Variants in SYBU observed in about 807,000 individuals in gnomAD.
SYBU encodes the protein GOLSYN A protein.
A neutral mutation model predicts 35.9 loss-of-function variants in SYBU; 21 were observed. That is an observed-to-expected ratio of 0.58 (90% CI 0.41 to 0.84). SYBU has a LOEUF of 0.84. SYBU is among the 40% of genes least tolerant of loss of function. The probability of loss-of-function intolerance (pLI) is 0.00; values close to 1 mark genes in which losing one functional copy is unlikely to be tolerated. For synonymous variants in SYBU, 319 were observed against 324.3 expected (o/e 0.98, Z 0.18); for missense variants, 768 against 848.2 (o/e 0.91, Z 1.17).
intron 1 of SYBU, among the ~76,000 whole-genome samples, chr8:109,688,511 G>GA (rs1259486586): frequency 1.3e-5 from 2 of 152,114 alleles, no homozygotes; most frequent in Non-Finnish European, 1.5e-5. Flanking sequence ...CAACCCCAAA[G>GA]AAAAAACACC....
At chr8:109,615,998 TTTTC>T (rs1190944694) in intron 3 of SYBU, among the ~76,000 whole-genome samples, 1 of 84,624 alleles carries the variant, frequency 1.2e-5, no homozygotes, top group African/African-American at 6.0e-5. Context: ...TTTTCTTTTC[TTTTC>T]TTTCTTTTTT....
At chr8:109,670,772 T>TTTTCTTCCCTCTCCATCTCCCTTCA (rs1816951042) in intron 1 of SYBU, among the ~76,000 whole-genome samples, 1 of 152,170 alleles carries the variant, frequency 6.6e-6, no homozygotes, top group Admixed American at 6.5e-5. Flanking sequence ...CCTTCCTTTC[T>TTTTCTTCCCTCTCCATCTCCCTTCA]TTTCTTCCCT....
At position 109,588,958 on chromosome 8, in the gene SYBU, G is replaced by A. The variant is rs576836682; in HGVS notation, c.428-2796C>T. On this transcript the variant is annotated intron_variant, in intron 3 of 6. Coordinates refer to ENST00000276646, the MANE Select transcript of SYBU (RefSeq NM_001099754.2). ...GTGGATCACCTGAGGTCAGGAGTTC[G>A]AAACCAGCCTGGCCAACATGGCAAA... Among the ~76,000 whole-genome samples the A allele has an allele frequency of 3.3e-5, 5 of 152,210 alleles. No homozygotes were observed. In the East Asian group the frequency reaches 5.8e-4, roughly 18 times the overall value.
At chr8:109,602,542 T>C (rs1256992681) in intron 3 of SYBU, among the ~76,000 whole-genome samples, 1 of 151,722 alleles carries the variant, frequency 6.6e-6, no homozygotes, top group African/African-American at 2.4e-5. Flanking sequence ...CAGGTGATCC[T>C]TCTGCCTCAG....
intron 1 of SYBU, among the ~76,000 whole-genome samples, chr8:109,660,889 T>C (rs1184225977): frequency 6.6e-6 from 1 of 152,182 alleles, no homozygotes; most frequent in Non-Finnish European, 1.5e-5. Flanking sequence ...CAAAAAGATT[T>C]TGGAAACATG....
chr8:109,661,991 C>T (rs559757892), intron 1 of SYBU, among the ~76,000 whole-genome samples: 19 of 152,318 alleles, frequency 1.2e-4, no homozygotes, highest in Non-Finnish European at 1.8e-4. Flanking sequence ...TTTCAAATCT[C>T]ACCTGGGTGC....
chr8:109,654,057 T>A (rs924652237), intron 1 of SYBU, among the ~76,000 whole-genome samples: 1 of 152,208 alleles, frequency 6.6e-6, no homozygotes, highest in Non-Finnish European at 1.5e-5. Context: ...CTATTTTTTT[T>A]TATAACTTTA....
intron 3 of SYBU, among the ~76,000 whole-genome samples, chr8:109,605,172 A>G (rs571292863): frequency 1.3e-5 from 2 of 152,346 alleles, no homozygotes; most frequent in East Asian, 1.9e-4. Flanking sequence ...ACTGTGCACC[A>G]TCAGAGCATG....
intron 3 of SYBU, chr8:109,608,012 A>T: frequency 6.6e-7 from 1 of 1,504,272 alleles, no homozygotes; most frequent in Non-Finnish European, 8.9e-7. Flanking sequence ...CAGTGTGTGC[A>T]GCTCATATCT....
chr8:109,610,902 G>C (rs1030264742), intron 3 of SYBU, among the ~76,000 whole-genome samples: 1 of 152,140 alleles, frequency 6.6e-6, no homozygotes, highest in African/African-American at 2.4e-5. Context: ...GCCCCAAGCT[G>C]TTGCCAGCAC....
At chr8:109,607,501 T>C (rs1826186039) in intron 3 of SYBU, among the ~76,000 whole-genome samples, 1 of 152,180 alleles carries the variant, frequency 6.6e-6, no homozygotes, top group East Asian at 1.9e-4. Context: ...TTAGCGTTAA[T>C]TGTGGCTGTG....
At chr8:109,657,777 G>C (rs966007099) in intron 1 of SYBU, among the ~76,000 whole-genome samples, 2 of 152,300 alleles carry the variant, frequency 1.3e-5, no homozygotes, top group Non-Finnish European at 2.9e-5. Flanking sequence ...TGATTTAATT[G>C]TAGCAGCCCT....
In SYBU at chr8:109,658,779, C is replaced by T. The variant is rs3134349; in HGVS notation, c.-129+21932G>A. 1.9e-3 allele frequency among the ~76,000 whole-genome samples: 283 copies of T among 152,202 alleles called. 10 individuals carry two copies. In the East Asian group the frequency reaches 0.044, roughly 24 times the overall value. On this transcript the variant is annotated intron_variant, in intron 1 of 5. Transcript: ENST00000408889. ...GACTAGCTTGACCAACAGGGTGAAA[C>T]CCCATCTCTATGAAAAATACAAAAA...
At chr8:109,665,176 G>A (rs908976174) in intron 1 of SYBU, among the ~76,000 whole-genome samples, 1 of 152,082 alleles carries the variant, frequency 6.6e-6, no homozygotes, top group African/African-American at 2.4e-5. Context: ...ATTTAACAAT[G>A]TATTTTATTT....
chr8:109,661,735 G>T (rs1816568001), intron 1 of SYBU, among the ~76,000 whole-genome samples: 2 of 152,184 alleles, frequency 1.3e-5, no homozygotes, highest in African/African-American at 4.8e-5. Context: ...AAATATTAAG[G>T]GTGTGCACTC....
At chr8:109,660,219 A>C (rs538855954) in intron 1 of SYBU, among the ~76,000 whole-genome samples, 11 of 152,212 alleles carry the variant, frequency 7.2e-5, no homozygotes, top group Non-Finnish European at 1.5e-4. Context: ...AAGTTGGTTC[A>C]CAGCTATTCA....
chr8:109,592,855 A>T (rs1005135614), intron 3 of SYBU, among the ~76,000 whole-genome samples: 1 of 152,234 alleles, frequency 6.6e-6, no homozygotes, highest in African/African-American at 2.4e-5. Context: ...TTTATTTAGC[A>T]AAAAGTTATT....
At position 109,574,872 on chromosome 8, in the gene SYBU, G is replaced by A. The variant is rs1244893082; in HGVS notation, c.*34C>T. 1 of 1,508,224 alleles carries A rather than the reference G, an allele frequency of 6.6e-7. No individual in the cohort carries two copies. The highest frequency in any genetic ancestry group is 8.9e-7 in the Non-Finnish European group (1 of 1,128,418). The allele number at this position is 1,508,224 out of a possible 1,614,324, so 93.4% of individuals were successfully genotyped here. ...TTCTCTACCTGGCACAACCCACATGGGACACATTGGCACACGGTAACAACA... is the reference window on the plus strand; with the variant it reads ...TTCTCTACCTGGCACAACCCACATGAGACACATTGGCACACGGTAACAACA... On this transcript the variant is annotated 3_prime_UTR_variant, in exon 7 of 7. Transcript: ENST00000276646.
At chr8:109,591,764 G>T (rs1824303261) in intron 3 of SYBU, among the ~76,000 whole-genome samples, 1 of 151,484 alleles carries the variant, frequency 6.6e-6, no homozygotes, top group Non-Finnish European at 1.5e-5. Context: ...CGCCCGCCTC[G>T]GCCTCCCAAA....
Sources: allele counts gnomAD v4.1 joint callset (sites outside exome capture counted in the v4.1 genomes callset), GRCh38; gene constraint gnomAD v4.1.1; transcripts MANE v1.5; gene names NCBI Gene and HGNC (gene_info 2026-07-23, HGNC 2026-07-21).